The following PCCA variants were observed in gnomAD, a reference collection of about 807,000 sequenced individuals.
The protein encoded by PCCA is propionyl-CoA carboxylase subunit alpha.
A neutral mutation model predicts 101.3 loss-of-function variants in PCCA; 74 were observed. The observed-to-expected ratio is 0.73, with a 90% CI of 0.61 to 0.89. The LOEUF is 0.89. PCCA is among the 40% of genes least tolerant of loss of function. The pLI, the probability that PCCA is intolerant of heterozygous loss-of-function variation, is 0.00. For missense variants in PCCA, 891 were observed against 907.0 expected, an observed-to-expected ratio of 0.98 and a Z score of 0.23; for synonymous variants, 294 against 313.6, an observed-to-expected ratio of 0.94 and a Z score of 0.66.
At chr13:100,513,353 C>G (rs2086620191) in intron 21 of PCCA, among the ~76,000 whole-genome samples, 1 of 152,192 alleles carries the variant, frequency 6.6e-6, no homozygotes, top group Admixed American at 6.5e-5. Flanking sequence ...ATCCCCCAAA[C>G]AGATTTAAGA....
Position 100,102,873 on chromosome 13 carries a change from T to G in PCCA, c.106-10T>G. 2 of 1,605,586 alleles carry G rather than the reference T, an allele frequency of 1.2e-6. No individual in the cohort carries two copies. Among genetic ancestry groups the G allele is most frequent in the African/African-American group, 1.3e-5 (1 of 74,880 alleles). On this transcript the variant is annotated splice_polypyrimidine_tract_variant and intron_variant, in intron 1 of 23. Coordinates refer to ENST00000376285, the MANE Select transcript of PCCA (RefSeq NM_000282.4). ...TATTTGCAATTTATTTTGCTTTCCT[T>G]TTTTTGTAGCATGTTCTGTACTATT...
At chr13:100,262,210 T>C (rs1327969269) in intron 9 of PCCA, among the ~76,000 whole-genome samples, 2 of 151,932 alleles carry the variant, frequency 1.3e-5, no homozygotes, top group Non-Finnish European at 2.9e-5. Flanking sequence ...CTGGCCAACG[T>C]GTTGAAACCC....
chr13:100,418,495 C>G (rs1186481008), intron 19 of PCCA, among the ~76,000 whole-genome samples: 1 of 152,308 alleles, frequency 6.6e-6, no homozygotes, highest in African/African-American at 2.4e-5. Context: ...GATCTGATCA[C>G]CATGACTTTT....
intron 19 of PCCA, among the ~76,000 whole-genome samples, chr13:100,399,018 T>C (rs956465048): frequency 6.6e-6 from 1 of 152,108 alleles, no homozygotes; most frequent in Non-Finnish European, 1.5e-5. Flanking sequence ...AATAGACGCA[T>C]TGGTTAATTT....
intron 18 of PCCA, among the ~76,000 whole-genome samples, chr13:100,365,728 G>C (rs1449966137): frequency 6.6e-6 from 1 of 152,148 alleles, no homozygotes; most frequent in Admixed American, 6.5e-5. Flanking sequence ...AAGAATATAG[G>C]CCGAGAGCCG....
intron 6 of PCCA, among the ~76,000 whole-genome samples, chr13:100,167,542 G>T (rs867736655): frequency 6.6e-6 from 1 of 152,106 alleles, no homozygotes; most frequent in Middle Eastern, 3.4e-3. Context: ...AAAGAAGAAT[G>T]TGTCTCAAAA....
At position 100,209,305 on chromosome 13, in the gene PCCA, T is replaced by C. The variant is rs774539316; in HGVS notation, c.469-27T>C. 3.5e-5 allele frequency: 57 copies of C among 1,608,050 alleles called. No individual in the cohort carries two copies. In the East Asian group the frequency reaches 1.1e-3, roughly 30 times the overall value. On this transcript the variant is annotated intron_variant, in intron 6 of 23. Coordinates refer to ENST00000376285, the MANE Select transcript of PCCA (RefSeq NM_000282.4). Reference sequence around the variant, plus strand: ...ATCATGCTCCGTAATGTTCTTGTTATAAATTTTGACTTGTTTTTCTCCACA... The same window carrying C: ...ATCATGCTCCGTAATGTTCTTGTTACAAATTTTGACTTGTTTTTCTCCACA...
At chr13:100,353,633 A>G (rs1370605449) in intron 18 of PCCA, among the ~76,000 whole-genome samples, 1 of 152,170 alleles carries the variant, frequency 6.6e-6, no homozygotes, top group Non-Finnish European at 1.5e-5. Context: ...GCTTAGAGGG[A>G]AATGAGAGCT....
At chr13:100,292,746 T>G (rs2065226051) in intron 12 of PCCA, among the ~76,000 whole-genome samples, 1 of 152,224 alleles carries the variant, frequency 6.6e-6, no homozygotes, top group Non-Finnish European at 1.5e-5. Flanking sequence ...CAAACATATT[T>G]GAAATATTAA....
At chr13:100,339,227 G>A (rs577024517) in intron 17 of PCCA, among the ~76,000 whole-genome samples, 1 of 152,200 alleles carries the variant, frequency 6.6e-6, no homozygotes, top group South Asian at 2.1e-4. Flanking sequence ...AGAAAAAAAA[G>A]CCTGTACATG....
chr13:100,091,717 G>A (rs1050233352), intron 1 of PCCA, among the ~76,000 whole-genome samples: 1 of 152,076 alleles, frequency 6.6e-6, no homozygotes, highest in Non-Finnish European at 1.5e-5. Context: ...CTTTTAGCCA[G>A]TCAACAGAGT....
chr13:100,518,904 G>A (rs1468932794), intron 22 of PCCA, among the ~76,000 whole-genome samples: 2 of 152,134 alleles, frequency 1.3e-5, no homozygotes, highest in Non-Finnish European at 2.9e-5. Context: ...GAACAGAAAT[G>A]TTAGAAATAT....
intron 11 of PCCA, among the ~76,000 whole-genome samples, chr13:100,271,149 T>C (rs540299088): frequency 4.6e-5 from 7 of 152,346 alleles, no homozygotes; most frequent in Non-Finnish European, 8.8e-5. Flanking sequence ...AGGAGAAAGA[T>C]AGTTTCACAG....
chr13:100,459,100 C>T (rs2082000502), intron 21 of PCCA, among the ~76,000 whole-genome samples: 1 of 152,084 alleles, frequency 6.6e-6, no homozygotes, highest in African/African-American at 2.4e-5. Context: ...CTATGTAATT[C>T]CAGGGTCTTC....
chr13:100,320,109 A>G (rs1279281710), intron 16 of PCCA, among the ~76,000 whole-genome samples: 3 of 152,200 alleles, frequency 2.0e-5, no homozygotes, highest in African/African-American at 7.2e-5. Context: ...GAGTTGACTC[A>G]TGATTTGGCT....
At chr13:100,228,852 A>T (rs1319556540) in intron 7 of PCCA, among the ~76,000 whole-genome samples, 1 of 149,276 alleles carries the variant, frequency 6.7e-6, no homozygotes, top group East Asian at 2.0e-4. Flanking sequence ...ATGAGCGGGG[A>T]TCGCTCCATT....
chr13:100,450,466 T>G (rs1387145134), intron 21 of PCCA, among the ~76,000 whole-genome samples: 3 of 152,214 alleles, frequency 2.0e-5, no homozygotes, highest in Non-Finnish European at 2.9e-5. Context: ...TATTTCTCCA[T>G]GTATTCATTC....
intron 21 of PCCA, among the ~76,000 whole-genome samples, chr13:100,464,999 C>G (rs1329604348): frequency 6.6e-6 from 1 of 152,250 alleles, no homozygotes; most frequent in African/African-American, 2.4e-5. Context: ...TCTCTTGTAC[C>G]TATGAATTAT....
chr13:100,121,474 T>A (rs2152303007), intron 4 of PCCA, among the ~76,000 whole-genome samples: 1 of 149,902 alleles, frequency 6.7e-6, no homozygotes, highest in African/African-American at 2.5e-5. Context: ...GGATTCTTTT[T>A]TTTTTTTTTT....
Sources: allele counts gnomAD v4.1 joint callset (sites outside exome capture counted in the v4.1 genomes callset), GRCh38; gene constraint gnomAD v4.1.1; transcripts MANE v1.5; gene names NCBI Gene and HGNC (gene_info 2026-07-23, HGNC 2026-07-21).